The following KIAA1549 variants were observed in gnomAD, a reference collection of about 807,000 sequenced individuals.
KIAA1549 encodes KIAA1549.
A neutral mutation model predicts 156.4 loss-of-function variants in KIAA1549; 70 were observed. That is an observed-to-expected ratio of 0.45 (90% CI 0.37 to 0.55). The LOEUF (loss-of-function observed/expected upper bound fraction) is 0.55. Ranked by LOEUF, KIAA1549 falls within the 20% of genes least tolerant of loss-of-function variation. The pLI is 0.00. For synonymous variants in KIAA1549, 1,103 were observed against 1,066.4 expected, an observed-to-expected ratio of 1.03 and a Z score of -0.67; for missense variants, 2,428 against 2,540.9, an observed-to-expected ratio of 0.96 and a Z score of 0.96.
intron 4 of KIAA1549, among the ~76,000 whole-genome samples, chr7:138,909,900 T>A (rs141090820): frequency 0.046 from 7,023 of 151,928 alleles, 206 homozygotes; most frequent in South Asian, 0.12. Context: ...TGAGCAGAGA[T>A]CGCGCCATTG....
chr7:138,957,349 C>A (rs1185226554), intron 1 of KIAA1549, among the ~76,000 whole-genome samples: 1 of 152,154 alleles, frequency 6.6e-6, no homozygotes, highest in Non-Finnish European at 1.5e-5. Context: ...AGGAACTGAG[C>A]CGAGGGCCCA....
chr7:138,877,007 C>T (rs551284384), intron 12 of KIAA1549, among the ~76,000 whole-genome samples: 2 of 152,128 alleles, frequency 1.3e-5, no homozygotes, highest in South Asian at 2.1e-4. Flanking sequence ...CTGGGACAGT[C>T]GTCAACAGCC....
intron 1 of KIAA1549, among the ~76,000 whole-genome samples, chr7:138,961,802 AT>A (rs1169880695): frequency 6.7e-6 from 1 of 149,846 alleles, no homozygotes; most frequent in African/African-American, 2.5e-5. Context: ...TGATCATGCC[AT>A]TGCACTCCAG....
chr7:138,972,897 C>T (rs2013525), intron 1 of KIAA1549, among the ~76,000 whole-genome samples: 41,778 of 152,072 alleles, frequency 0.27, 8,005 homozygotes, highest in African/African-American at 0.55. Flanking sequence ...TCTCAGCTCA[C>T]TGTAACATCC....
intron 1 of KIAA1549, among the ~76,000 whole-genome samples, chr7:138,967,091 C>A (rs1018450407): frequency 6.6e-6 from 1 of 152,198 alleles, no homozygotes; most frequent in Non-Finnish European, 1.5e-5. Flanking sequence ...CACATGATAT[C>A]ATTAACTTTG....
chr7:138,889,463 T>C (rs1362262512), intron 10 of KIAA1549, among the ~76,000 whole-genome samples: 2 of 152,208 alleles, frequency 1.3e-5, no homozygotes, highest in African/African-American at 2.4e-5. Flanking sequence ...AGCTAAGAAT[T>C]CTAAGGCATC....
At chr7:138,895,881 G>T (rs955825614) in intron 9 of KIAA1549, among the ~76,000 whole-genome samples, 4 of 151,866 alleles carry the variant, frequency 2.6e-5, no homozygotes, top group Non-Finnish European at 4.4e-5. Context: ...TCATCGAAAC[G>T]GCATTATTTA....
Position 138,868,102 on chromosome 7 carries a change from G to T in KIAA1549, c.4802C>A (p.Pro1601His), listed in dbSNP as rs779012221. 2 of 1,613,698 alleles carry T rather than the reference G, an allele frequency of 1.2e-6. No homozygotes were observed. The highest frequency in any genetic ancestry group is 3.3e-5 in the Admixed American group (2 of 59,970). ...GCCGTTGACCTGGTGTTTCCGGCGA[G>T]GCTTGGGAGAACGTTTTATCCGTGA... The part of the protein sequence containing the change: ...KSSRIKRSPK[P>H]RRKHQVNGCP... The change falls in exon 15 of 20, where the codon CCT becomes CAT. Residue 1601 changes from proline to histidine, a missense_variant. Pro to His is a moderately conservative substitution (Grantham distance 77, BLOSUM62 -2). Around this residue, in one of 5 missense-constraint regions of KIAA1549, gnomAD observed 404 missense variants for 417.0 expected, o/e 0.97. Transcript: ENST00000422774.
chr7:138,912,145 C>T (rs1162433225), intron 3 of KIAA1549, among the ~76,000 whole-genome samples: 1 of 152,184 alleles, frequency 6.6e-6, no homozygotes, highest in Non-Finnish European at 1.5e-5. Flanking sequence ...GCCAACACAT[C>T]CCCTAAAGGA....
intron 1 of KIAA1549, among the ~76,000 whole-genome samples, chr7:138,927,912 ATTGTC>A (rs1226939450): frequency 9.6e-5 from 14 of 146,086 alleles, no homozygotes; most frequent in African/African-American, 3.5e-4. Flanking sequence ...TGCCTCTGCT[ATTGTC>A]TTGTCTTTTT....
At chr7:138,881,335 A>G (rs1228196507) in intron 11 of KIAA1549, 53 bp downstream of exon 11, 5 of 1,544,810 alleles carry the variant, frequency 3.2e-6, no homozygotes, top group Middle Eastern at 2.4e-4. Context: ...TCACAGCCTG[A>G]TAACAGAAGC....
intron 1 of KIAA1549, among the ~76,000 whole-genome samples, chr7:138,923,838 A>G (rs1812634267): frequency 6.6e-6 from 1 of 152,176 alleles, no homozygotes; most frequent in East Asian, 1.9e-4. Context: ...TACATACCAA[A>G]ATTTGTAAAT....
intron 3 of KIAA1549, among the ~76,000 whole-genome samples, chr7:138,911,983 A>C (rs1444127546): frequency 6.6e-6 from 1 of 152,192 alleles, no homozygotes; most frequent in East Asian, 1.9e-4. Flanking sequence ...TCTCTATCCT[A>C]CCAAATGTCC....
intron 1 of KIAA1549, among the ~76,000 whole-genome samples, chr7:138,943,075 C>G (rs1813231090): frequency 6.6e-6 from 1 of 152,212 alleles, no homozygotes; most frequent in South Asian, 2.1e-4. Flanking sequence ...ACAGTCTGCC[C>G]TCCACCGCGA....
intron 14 of KIAA1549, among the ~76,000 whole-genome samples, chr7:138,869,010 C>T (rs1247007913): frequency 7.2e-5 from 11 of 152,246 alleles, no homozygotes; most frequent in Non-Finnish European, 1.0e-4. Context: ...TTAAGGAAAA[C>T]GCATCTATGT....
chr7:138,883,010 G>A (rs1214934037), intron 10 of KIAA1549, among the ~76,000 whole-genome samples: 3 of 150,014 alleles, frequency 2.0e-5, no homozygotes, highest in East Asian at 2.0e-4. Context: ...CCAGCATTTC[G>A]GGAGGCTGAA....
intron 8 of KIAA1549, among the ~76,000 whole-genome samples, chr7:138,901,738 T>G (rs1811849939): frequency 1.3e-5 from 2 of 152,238 alleles, no homozygotes; most frequent in Admixed American, 6.5e-5. Context: ...TTGCTGGACA[T>G]GTAGTTGTTT....
chr7:138,836,299 C>G lies in KIAA1549; in HGVS notation c.*1607G>C, dbSNP rs935225007. ...CTATGTTTAGATACACAAATACTTA[C>G]CATTGTGTTCAGTACAGTAACATGC... On this transcript the variant is annotated 3_prime_UTR_variant, in exon 20 of 20. Transcript: ENST00000422774. 4.9e-6 allele frequency: 1 copy of G among 205,146 alleles called. No homozygotes were observed. Among genetic ancestry groups the G allele is most frequent in the African/African-American group, 2.3e-5 (1 of 43,698 alleles). The allele number at this position is 205,146 out of a possible 1,614,324, so 12.7% of individuals were successfully genotyped here. A position where few individuals can be genotyped will look rare whatever the true frequency, so the allele number is the denominator to read the frequency against.
At chr7:138,978,572 A>G (rs1053712483) in intron 1 of KIAA1549, among the ~76,000 whole-genome samples, 3 of 152,236 alleles carry the variant, frequency 2.0e-5, no homozygotes, top group South Asian at 2.1e-4. Flanking sequence ...AAAGACTGTA[A>G]TAAGGGGACC....
Sources: allele counts gnomAD v4.1 joint callset (sites outside exome capture counted in the v4.1 genomes callset), GRCh38; gene constraint gnomAD v4.1.1; regional missense constraint gnomAD v4.1.1; transcripts MANE v1.5; gene names NCBI Gene and HGNC (gene_info 2026-07-23, HGNC 2026-07-21).